The following LAMP3 variants were observed in gnomAD, a reference collection of about 807,000 sequenced individuals.
The protein encoded by LAMP3 is lysosome-associated membrane glycoprotein 3.
In LAMP3, 26 loss-of-function variants were observed where a neutral mutation model predicts 34.8. The ratio of observed to expected loss-of-function variants is 0.75; its 90% CI spans 0.55 to 1.04. LAMP3 has a LOEUF of 1.04. Ranked by LOEUF, LAMP3 falls within the 50% of genes least tolerant of loss-of-function variation. LAMP3 has a pLI of 0.00. For synonymous variants in LAMP3, 180 were observed against 201.9 expected (o/e 0.89, Z 0.92); for missense variants, 495 against 524.0 (o/e 0.94, Z 0.54).
At chr3:183,126,560 G>GTT (rs1719785239) in intron 5 of LAMP3, among the ~76,000 whole-genome samples, 1 of 151,446 alleles carries the variant, frequency 6.6e-6, no homozygotes, top group Non-Finnish European at 1.5e-5. Context: ...GTGTGTGTGT[G>GTT]TGTGCACACG....
intron 5 of LAMP3, among the ~76,000 whole-genome samples, chr3:183,126,563 T>TGTGTGC (rs1289493902): frequency 1.5e-4 from 23 of 149,164 alleles, no homozygotes; most frequent in African/African-American, 5.5e-4. Flanking sequence ...TGTGTGTGTG[T>TGTGTGC]GCACACGTGT....
chr3:183,132,527 C>G (rs544199629), intron 5 of LAMP3: 1 of 985,214 alleles, frequency 1.0e-6, no homozygotes, highest in African/African-American at 1.7e-5. Flanking sequence ...ACAAGCACCC[C>G]ACTCATGTCT....
intron 3 of LAMP3, among the ~76,000 whole-genome samples, chr3:183,150,913 T>C (rs1720611018): frequency 6.6e-6 from 1 of 152,130 alleles, no homozygotes. Flanking sequence ...CTGAATGTCT[T>C]CCCATTTTGT....
chr3:183,161,734 C>T (rs748514653), intron 1 of LAMP3, among the ~76,000 whole-genome samples: 5 of 152,060 alleles, frequency 3.3e-5, no homozygotes, highest in Non-Finnish European at 7.4e-5. Context: ...ATTCAAGGAG[C>T]GCTCACATAC....
At chr3:183,151,444 TGAGATGGAG>T (rs1560313462) in intron 3 of LAMP3, among the ~76,000 whole-genome samples, 10 of 129,014 alleles carry the variant, frequency 7.8e-5, no homozygotes, top group African/African-American at 1.2e-4. Flanking sequence ...TTTTTTTTTT[TGAGATGGAG>T]TTTTGTTCCT....
intron 1 of LAMP3, among the ~76,000 whole-genome samples, chr3:183,154,744 C>T (rs902424491): frequency 1.3e-5 from 2 of 152,146 alleles, no homozygotes; most frequent in African/African-American, 4.8e-5. Context: ...AATGTGGATC[C>T]GGACAGCTGA....
chr3:183,160,446 T>G (rs1278570010), intron 1 of LAMP3, among the ~76,000 whole-genome samples: 1 of 152,178 alleles, frequency 6.6e-6, no homozygotes, highest in African/African-American at 2.4e-5. Context: ...TCCAGGCTGG[T>G]CTCAAACTCC....
intron 5 of LAMP3, among the ~76,000 whole-genome samples, chr3:183,125,578 CTATCATGA>C (rs1259640374): frequency 6.6e-6 from 1 of 152,170 alleles, no homozygotes; most frequent in Non-Finnish European, 1.5e-5. Flanking sequence ...CAATTAGGAA[CTATCATGA>C]TAAGCTTTTA....
At chr3:183,140,109 C>G (rs1396571399) in intron 4 of LAMP3, among the ~76,000 whole-genome samples, 1 of 152,048 alleles carries the variant, frequency 6.6e-6, no homozygotes. Context: ...TCAGTCTGTT[C>G]CTTAGAAGCA....
chr3:183,156,333 C>T (rs970767825), intron 1 of LAMP3, among the ~76,000 whole-genome samples: 1 of 151,020 alleles, frequency 6.6e-6, no homozygotes, highest in Non-Finnish European at 1.5e-5. Flanking sequence ...TGCACTCTAG[C>T]CTGGGCAATA....
At position 183,154,156 on chromosome 3, in the gene LAMP3, T is replaced by A. The variant is rs1219544803; in HGVS notation, c.285A>T (p.Ala95=). The A allele has an allele frequency of 6.2e-7, 1 of 1,613,906 alleles. No individual in the cohort carries two copies. Among genetic ancestry groups the A allele is most frequent in the Non-Finnish European group, 8.5e-7 (1 of 1,179,860 alleles). The change falls in exon 2 of 6, where the codon GCA becomes GCT. Residue 95 remains alanine (A), a synonymous_variant. Coordinates refer to ENST00000265598, the MANE Select transcript of LAMP3 (RefSeq NM_014398.4). ...GGGTGTAGGTAATTGGGCTGGTGGT[T>A]GCAGTGTTTTTTGTAGTCGCTGGGG... The part of the protein sequence containing the change: ...TTTPATTKNT[A]TTSPITYTLV...
intron 4 of LAMP3, among the ~76,000 whole-genome samples, chr3:183,136,895 G>C (rs905070802): frequency 6.6e-6 from 1 of 151,548 alleles, no homozygotes; most frequent in Non-Finnish European, 1.5e-5. Flanking sequence ...GTGGTCCCAA[G>C]TACTTGGGAG....
At chr3:183,135,912 TAA>T (rs776174808) in intron 4 of LAMP3, 25 bp from the exon 5 acceptor site, 3 of 1,588,720 alleles carry the variant, frequency 1.9e-6, no homozygotes, top group Admixed American at 1.7e-5. Flanking sequence ...GATAGATGCA[TAA>T]GAGTCCTGAG....
intron 4 of LAMP3, among the ~76,000 whole-genome samples, chr3:183,139,094 A>C (rs531365437): frequency 6.6e-6 from 1 of 152,182 alleles, no homozygotes; most frequent in South Asian, 2.1e-4. Flanking sequence ...TGTTCATAGA[A>C]TTTATCACTA....
At chr3:183,141,418 G>T (rs1720280008) in intron 3 of LAMP3, among the ~76,000 whole-genome samples, 1 of 152,128 alleles carries the variant, frequency 6.6e-6, no homozygotes, top group African/African-American at 2.4e-5. Flanking sequence ...GGTGTAGAAG[G>T]GTAAGTTGAA....
intron 5 of LAMP3, among the ~76,000 whole-genome samples, chr3:183,133,955 C>T (rs1033081707): frequency 6.6e-6 from 1 of 152,226 alleles, no homozygotes; most frequent in African/African-American, 2.4e-5. Flanking sequence ...CCTCTCATCA[C>T]CAATGCTGTC....
chr3:183,155,715 C>A (rs1369250564), intron 1 of LAMP3, among the ~76,000 whole-genome samples: 1 of 152,192 alleles, frequency 6.6e-6, no homozygotes, highest in Non-Finnish European at 1.5e-5. Flanking sequence ...GGTTGTGGAA[C>A]TTTCCTAGTA....
chr3:183,124,255 G>C, intron 5 of LAMP3, 41 bp from the exon 6 acceptor site: 2 of 1,484,476 alleles, frequency 1.3e-6, no homozygotes, highest in African/African-American at 2.9e-5. Context: ...GTAAGGTTTG[G>C]TGATGCAGTC....
At chr3:183,144,618 G>A (rs1159935676) in intron 3 of LAMP3, among the ~76,000 whole-genome samples, 1 of 152,194 alleles carries the variant, frequency 6.6e-6, no homozygotes, top group East Asian at 1.9e-4. Flanking sequence ...CACTGTGAGG[G>A]TGTCAACACT....
Sources: allele counts gnomAD v4.1 joint callset (sites outside exome capture counted in the v4.1 genomes callset), GRCh38; gene constraint gnomAD v4.1.1; transcripts MANE v1.5; gene names NCBI Gene and HGNC (gene_info 2026-07-23, HGNC 2026-07-21).